ROBO1: variants seen among roughly 807,000 people sequenced by gnomAD.
The protein encoded by ROBO1 is roundabout guidance receptor 1, also known as roundabout homolog 1.
ROBO1 carries 149 observed loss-of-function variants against 195.9 expected under a neutral mutation model. The observed-to-expected ratio is 0.76, with a 90% confidence interval of 0.67 to 0.87. The LOEUF is 0.87. ROBO1 is among the 40% of genes least tolerant of loss of function. The pLI, the probability that ROBO1 is intolerant of heterozygous loss-of-function variation, is 0.00. For synonymous variants in ROBO1, 816 were observed against 733.2 expected, an observed-to-expected ratio of 1.11 and a Z score of -1.82; for missense variants, 1,933 against 2,068.3, an observed-to-expected ratio of 0.93 and a Z score of 1.27.
chr3:79,301,293 CCG>C (rs1235018719), intron 2 of ROBO1, among the ~76,000 whole-genome samples: 1 of 152,200 alleles, frequency 6.6e-6, no homozygotes, highest in Non-Finnish European at 1.5e-5. Flanking sequence ...CCGCGAGAGT[CCG>C]CGACTTCTTT....
At chr3:78,625,488 C>A (rs77121699) in intron 26 of ROBO1, among the ~76,000 whole-genome samples, 5,796 of 152,202 alleles carry the variant, frequency 0.038, 116 homozygotes, top group Middle Eastern at 0.051. Flanking sequence ...GATTTAGACA[C>A]ATGGTGAAGT....
intron 4 of ROBO1, among the ~76,000 whole-genome samples, chr3:78,811,303 T>C (rs1272158309): frequency 6.6e-6 from 1 of 152,176 alleles, no homozygotes; most frequent in East Asian, 1.9e-4. Context: ...GTTCAAAAAG[T>C]CTGCACATTC....
chr3:79,241,519 A>T (rs1464682939), intron 2 of ROBO1, among the ~76,000 whole-genome samples: 1 of 152,096 alleles, frequency 6.6e-6, no homozygotes, highest in Non-Finnish European at 1.5e-5. Flanking sequence ...GGTGAAATTA[A>T]ATAAGTTAAA....
chr3:78,618,011 T>A lies in ROBO1; in HGVS notation c.3906A>T (p.Pro1302=), dbSNP rs201690855. 1 of 1,613,416 alleles carries A rather than the reference T, an allele frequency of 6.2e-7. No homozygotes were observed. Among genetic ancestry groups the A allele is most frequent in the South Asian group, 1.1e-5 (1 of 91,034 alleles). ...RRQPVSPPPP[P]RPISPPHTYG... is the part of the protein sequence containing the mutation. Reference sequence around the variant, plus strand: ...AGGTATGTGGAGGGGAGATCGGCCGTGGTGGTGGAGGAGGACTCACAGGCT... The same window carrying A: ...AGGTATGTGGAGGGGAGATCGGCCGAGGTGGTGGAGGAGGACTCACAGGCT... Residue 1302 remains proline (P), a synonymous_variant, in exon 27 of 31, where the codon CCA becomes CCT. Transcript: ENST00000464233.
At chr3:79,503,796 C>A (rs1054726102) in intron 2 of ROBO1, among the ~76,000 whole-genome samples, 10 of 152,120 alleles carry the variant, frequency 6.6e-5, no homozygotes, top group Non-Finnish European at 1.5e-4. Context: ...TGGCTATTGT[C>A]TGGATTTGTC....
At chr3:78,676,784 G>A (rs1253355976) in intron 10 of ROBO1, among the ~76,000 whole-genome samples, 5 of 152,138 alleles carry the variant, frequency 3.3e-5, no homozygotes, top group Non-Finnish European at 7.3e-5. Flanking sequence ...TCCCCAATCT[G>A]GCATGGCAGG....
intron 1 of ROBO1, among the ~76,000 whole-genome samples, chr3:79,737,855 C>A (rs1030107466): frequency 6.6e-6 from 1 of 152,134 alleles, no homozygotes; most frequent in Non-Finnish European, 1.5e-5. Flanking sequence ...AGTCTTTCTG[C>A]AATTCTAAGA....
At chr3:78,807,866 C>G (rs796585401) in intron 4 of ROBO1, among the ~76,000 whole-genome samples, 11 of 152,126 alleles carry the variant, frequency 7.2e-5, no homozygotes, top group African/African-American at 2.4e-4. Context: ...CTAATACTAC[C>G]AAACAAAAAT....
intron 2 of ROBO1, among the ~76,000 whole-genome samples, chr3:79,214,809 C>CAA (rs2108811020): frequency 7.2e-6 from 1 of 138,016 alleles, no homozygotes. Flanking sequence ...CACAAAACTG[C>CAA]AAATATATAT....
intron 10 of ROBO1, among the ~76,000 whole-genome samples, chr3:78,679,717 G>A (rs2080842158): frequency 6.6e-6 from 1 of 152,176 alleles, no homozygotes; most frequent in African/African-American, 2.4e-5. Context: ...CCATGCTCAT[G>A]GGTAGGAAGA....
At chr3:79,239,924 G>C (rs1475121037) in intron 2 of ROBO1, among the ~76,000 whole-genome samples, 1 of 152,008 alleles carries the variant, frequency 6.6e-6, no homozygotes, top group Non-Finnish European at 1.5e-5. Context: ...ATATATTTAT[G>C]GTGTGCAACA....
rs763250029 is a variant in ROBO1, at chr3:78,647,698, G to C, written c.2813-43C>G. On this transcript the variant is annotated intron_variant, in intron 19 of 30. Transcript: ENST00000464233. ...AATATAAACCAGTTATTAAGCTGAAGAGAGAAAGGGAACATATCACATTAG... is the reference window on the plus strand; with the variant it reads ...AATATAAACCAGTTATTAAGCTGAACAGAGAAAGGGAACATATCACATTAG... 4.9e-5 allele frequency: 74 copies of C among 1,505,526 alleles called. 1 individual carries two copies. The highest frequency in any genetic ancestry group is 4.5e-5 in the Non-Finnish European group (49 of 1,081,630). 93.3% of individuals were successfully genotyped at this position (1,505,526 alleles called of 1,614,324 possible). A position where few individuals can be genotyped will look rare whatever the true frequency, so the allele number is the denominator to read the frequency against.
At chr3:79,146,518 T>C (rs2080656364) in intron 2 of ROBO1, among the ~76,000 whole-genome samples, 1 of 151,984 alleles carries the variant, frequency 6.6e-6, no homozygotes, top group African/African-American at 2.4e-5. Flanking sequence ...TGTATATACA[T>C]GTATACATGT....
At chr3:79,510,186 C>T (rs957391510) in intron 2 of ROBO1, among the ~76,000 whole-genome samples, 10 of 152,264 alleles carry the variant, frequency 6.6e-5, no homozygotes, top group Non-Finnish European at 1.3e-4. Flanking sequence ...ATAATCCCCA[C>T]GTCATGGGAG....
At chr3:79,231,315 T>C (rs538186383) in intron 2 of ROBO1, among the ~76,000 whole-genome samples, 1 of 152,174 alleles carries the variant, frequency 6.6e-6, no homozygotes, top group African/African-American at 2.4e-5. Context: ...TCAAACTATG[T>C]ACCTGACAAA....
At chr3:79,225,898 T>C (rs2082219625) in intron 2 of ROBO1, among the ~76,000 whole-genome samples, 1 of 152,132 alleles carries the variant, frequency 6.6e-6, no homozygotes, top group African/African-American at 2.4e-5. Flanking sequence ...GTCTTTCAGG[T>C]ACCTTGTTGT....
At chr3:78,965,710 C>T (rs1005239314) in intron 3 of ROBO1, among the ~76,000 whole-genome samples, 2 of 151,998 alleles carry the variant, frequency 1.3e-5, no homozygotes, top group African/African-American at 2.4e-5. Flanking sequence ...TCTGCTTCTA[C>T]ATAAAACAGT....
chr3:78,608,759 A>G (rs1314417324), intron 28 of ROBO1, among the ~76,000 whole-genome samples: 1 of 152,142 alleles, frequency 6.6e-6, no homozygotes, highest in Non-Finnish European at 1.5e-5. Flanking sequence ...AGAAAAATCA[A>G]TATTATTTCA....
chr3:78,851,412 G>A (rs541770390), intron 4 of ROBO1, among the ~76,000 whole-genome samples: 1 of 152,276 alleles, frequency 6.6e-6, no homozygotes, highest in African/African-American at 2.4e-5. Context: ...AATGATTAGA[G>A]TTACCAGTCC....
Sources: gnomAD v4.1 joint callset for allele counts (sites outside exome capture counted in the v4.1 genomes callset) on GRCh38, gnomAD v4.1.1 for gene constraint, MANE v1.5 for transcripts, NCBI Gene and HGNC (gene_info 2026-07-23, HGNC 2026-07-21) for gene names.